Variants in DIAPH2 observed in about 807,000 individuals in gnomAD.
DIAPH2 encodes diaphanous related formin 2, also known as protein diaphanous homolog 2.
In DIAPH2, 35 loss-of-function variants were observed where a neutral mutation model predicts 92.7. The observed-to-expected ratio is 0.38, with a 90% confidence interval of 0.29 to 0.50. The LOEUF (loss-of-function observed/expected upper bound fraction) is 0.50. DIAPH2 is among the 20% of genes least tolerant of loss of function. The pLI is 0.94. For missense variants in DIAPH2, 701 were observed against 819.5 expected (o/e 0.86, Z 1.77); for synonymous variants, 301 against 280.4 (o/e 1.07, Z -0.73).
intron 4 of DIAPH2, among the ~76,000 whole-genome samples, chrX:96,817,043 A>G (rs1350883429): frequency 9.0e-6 from 1 of 111,378 alleles, no homozygotes; most frequent in Non-Finnish European, 1.9e-5. Context: ...GGACTCAAGG[A>G]TATGGAGAAT....
chrX:97,338,673 A>G (rs1390379093), intron 23 of DIAPH2, among the ~76,000 whole-genome samples: 5 of 112,301 alleles, frequency 4.5e-5, no homozygotes, highest in African/African-American at 1.6e-4. Flanking sequence ...AATGAAAATT[A>G]TAAGTAACTA....
At chrX:97,195,318 G>A (rs1246079415) in intron 22 of DIAPH2, among the ~76,000 whole-genome samples, 1 of 111,473 alleles carries the variant, frequency 9.0e-6, no homozygotes, top group Non-Finnish European at 1.9e-5. Context: ...AAGTATAATT[G>A]GAAATTGCCA....
intron 26 of DIAPH2, among the ~76,000 whole-genome samples, chrX:97,461,550 A>G (rs1429619416): frequency 8.9e-6 from 1 of 111,790 alleles, no homozygotes; most frequent in Non-Finnish European, 1.9e-5. Flanking sequence ...TGCCTTATTG[A>G]CAAGCCTGAA....
Position 96,888,573 on chromosome X carries a change from A to ATATATATCTG in DIAPH2, c.587+6864_587+6865insGTATATATCT, listed in dbSNP as rs774258757. Among the ~76,000 whole-genome samples the ATATATATCTG allele has an allele frequency of 3.5e-3, 340 of 96,280 alleles. 10 individuals are homozygous for ATATATATCTG. Among genetic ancestry groups the ATATATATCTG allele is most frequent in the African/African-American group, 0.012 (303 of 25,530 alleles). 83.6% of individuals were successfully genotyped at this position (96,280 alleles called of 115,157 possible). A position where few individuals can be genotyped will look rare whatever the true frequency, so the allele number is the denominator to read the frequency against. ...TATATATCTATATATATACACAGAT[A>ATATATATCTG]TATATATCTATATATATACAGATAT... On this transcript the variant is annotated intron_variant, in intron 5 of 26. Transcript: ENST00000324765.
chrX:96,946,164 G>A (rs1485233421), intron 14 of DIAPH2, among the ~76,000 whole-genome samples: 1 of 111,817 alleles, frequency 8.9e-6, no homozygotes, highest in Non-Finnish European at 1.9e-5. Flanking sequence ...CTGTGTTAAT[G>A]TCTTAAATGC....
intron 23 of DIAPH2, among the ~76,000 whole-genome samples, chrX:97,304,134 A>G (rs1443370807): frequency 1.8e-5 from 2 of 112,040 alleles, no homozygotes; most frequent in East Asian, 5.6e-4. Context: ...AATAAACAGT[A>G]TGGATTATAT....
chrX:97,544,749 C>G (rs1443472753), intron 26 of DIAPH2, among the ~76,000 whole-genome samples: 1 of 112,024 alleles, frequency 8.9e-6, no homozygotes, highest in African/African-American at 3.2e-5. Context: ...AGGTGGCACT[C>G]TATAAGTTGT....
At chrX:97,130,353 A>G in intron 21 of DIAPH2, among the ~76,000 whole-genome samples, 1 of 111,983 alleles carries the variant, frequency 8.9e-6, no homozygotes, top group East Asian at 2.8e-4. Context: ...AAACAACCCA[A>G]ATGTCCATTG....
chrX:97,031,081 C>T (rs191051963), intron 17 of DIAPH2, among the ~76,000 whole-genome samples: 1 of 111,159 alleles, frequency 9.0e-6, no homozygotes, highest in African/African-American at 3.3e-5. Flanking sequence ...CCTTTTTATA[C>T]TTGTTCTGGC....
intron 22 of DIAPH2, among the ~76,000 whole-genome samples, chrX:97,170,364 A>C (rs1306267578): frequency 8.9e-6 from 1 of 112,409 alleles, no homozygotes; most frequent in African/African-American, 3.2e-5. Flanking sequence ...GGGACTAAGC[A>C]ATGACCGGAG....
At chrX:97,281,174 C>T (rs2068493671) in intron 23 of DIAPH2, among the ~76,000 whole-genome samples, 2 of 111,818 alleles carry the variant, frequency 1.8e-5, no homozygotes, top group African/African-American at 6.5e-5. Context: ...ACAAAACATG[C>T]AGACAAAGAA....
At chrX:97,343,079 A>G (rs2069125887) in intron 23 of DIAPH2, among the ~76,000 whole-genome samples, 1 of 111,874 alleles carries the variant, frequency 8.9e-6, no homozygotes. Flanking sequence ...ATCATGGGAA[A>G]GACTTTGGAT....
chrX:97,374,169 G>C (rs2069477808), intron 24 of DIAPH2, among the ~76,000 whole-genome samples: 1 of 111,351 alleles, frequency 9.0e-6, no homozygotes, highest in African/African-American at 3.3e-5. Context: ...GGGTGGGACA[G>C]GGAAGTATAG....
chrX:96,970,155 T>G (rs2065918699), intron 17 of DIAPH2, among the ~76,000 whole-genome samples: 1 of 111,564 alleles, frequency 9.0e-6, no homozygotes, highest in Non-Finnish European at 1.9e-5. Context: ...CTATGTTCAT[T>G]AGAGATAGTG....
chrX:97,224,197 TTTAACTA>T (rs1350589842), intron 22 of DIAPH2, among the ~76,000 whole-genome samples: 6 of 112,254 alleles, frequency 5.3e-5, no homozygotes, highest in Non-Finnish European at 1.1e-4. Flanking sequence ...ATGGTCTTTC[TTTAACTA>T]TTATCAGGTC....
At chrX:97,005,398 A>AT (rs1409565765) in intron 17 of DIAPH2, among the ~76,000 whole-genome samples, 2 of 109,033 alleles carry the variant, frequency 1.8e-5, no homozygotes, top group Middle Eastern at 4.3e-3. Flanking sequence ...GTTTGGTAGA[A>AT]TTTAGCAGTG....
intron 4 of DIAPH2, among the ~76,000 whole-genome samples, chrX:96,822,674 C>G (rs1468576995): frequency 1.8e-5 from 2 of 111,432 alleles, no homozygotes; most frequent in Non-Finnish European, 3.8e-5. Context: ...GTAATATTTA[C>G]TTGAAATAAG....
At chrX:96,967,395 T>TATTTATTCATTC (rs771061926) in intron 17 of DIAPH2, among the ~76,000 whole-genome samples, 8 of 105,800 alleles carry the variant, frequency 7.6e-5, no homozygotes, top group East Asian at 5.8e-4. Context: ...TTTATTTATT[T>TATTTATTCATTC]ATTCATTCAT....
rs750364427 is a variant in DIAPH2 at position 97,310,646 on chromosome X, C to G, written c.2845-37470C>G. ...GAAGCTCATGAATGAGAGGGAGAGT[C>G]GTAGAAGATAAGGTAAGAAAAATTG... is the stretch of plus-strand genomic sequence containing the variant. On this transcript the variant is annotated intron_variant, in intron 23 of 26. Transcript: ENST00000324765. 1.1e-4 allele frequency among the ~76,000 whole-genome samples: 12 copies of G among 111,026 alleles called. No individual in the cohort carries two copies. The East Asian group carries it at 2.5e-3, about 24-fold the overall frequency.
Sources: gnomAD v4.1 joint callset for allele counts (sites outside exome capture counted in the v4.1 genomes callset) on GRCh38, gnomAD v4.1.1 for gene constraint, MANE v1.5 for transcripts, NCBI Gene and HGNC (gene_info 2026-07-23, HGNC 2026-07-21) for gene names.